The following ADCY2 variants were observed in gnomAD, a reference collection of about 807,000 sequenced individuals.
The protein encoded by ADCY2 is adenylate cyclase type 2.
ADCY2 carries 31 observed loss-of-function variants against 125.2 expected under a neutral mutation model. That is an observed-to-expected ratio of 0.25 (90% confidence interval 0.19 to 0.33). ADCY2 has a LOEUF of 0.33. Ranked by LOEUF, ADCY2 falls within the 10% of genes least tolerant of loss-of-function variation. The pLI, the probability that ADCY2 is intolerant of heterozygous loss-of-function variation, is 1.00. For missense variants in ADCY2, 904 were observed against 1,418.2 expected (o/e 0.64, Z 5.82); for synonymous variants, 512 against 548.4 (o/e 0.93, Z 0.93).
chr5:7,795,904 C>T (rs1187886848), intron 20 of ADCY2: 2 of 152,070 alleles, frequency 1.3e-5, no homozygotes, highest in East Asian at 3.9e-4. Context: ...TACTGTATTG[C>T]AAAAAATGCT....
intron 2 of ADCY2, among the ~76,000 whole-genome samples, chr5:7,473,605 T>C (rs189807915): frequency 1.3e-5 from 2 of 152,288 alleles, no homozygotes; most frequent in Admixed American, 1.3e-4. Flanking sequence ...TACCTTTACC[T>C]TTCTCCCAGG....
chr5:7,723,058 A>C (rs113058517), intron 12 of ADCY2, among the ~76,000 whole-genome samples: 87 of 151,980 alleles, frequency 5.7e-4, no homozygotes, highest in African/African-American at 2.1e-3. Context: ...TAGAAAACCA[A>C]GTACCACATA....
chr5:7,533,286 ATCTCT>A (rs1027289624), intron 3 of ADCY2, among the ~76,000 whole-genome samples: 4 of 151,720 alleles, frequency 2.6e-5, no homozygotes, highest in Non-Finnish European at 5.9e-5. Context: ...AAGTTGAGTA[ATCTCT>A]TCTCAATGTT....
At chr5:7,512,231 A>AG (rs2126520866) in intron 2 of ADCY2, among the ~76,000 whole-genome samples, 1 of 148,222 alleles carries the variant, frequency 6.7e-6, no homozygotes, top group African/African-American at 2.5e-5. Flanking sequence ...AAAAAAAAAA[A>AG]AAAAAAAAAG....
At chr5:7,761,676 A>G (rs967299269) in intron 16 of ADCY2, among the ~76,000 whole-genome samples, 3 of 152,240 alleles carry the variant, frequency 2.0e-5, no homozygotes, top group African/African-American at 7.2e-5. Flanking sequence ...GTTTGACCTT[A>G]TAAAACCAGG....
chr5:7,636,241 C>T (rs1257371809), intron 4 of ADCY2, among the ~76,000 whole-genome samples: 2 of 152,228 alleles, frequency 1.3e-5, no homozygotes, highest in African/African-American at 4.8e-5. Flanking sequence ...CAGCAAAAAG[C>T]AGGGAGCCAT....
At chr5:7,768,103 G>A (rs2126475815) in intron 17 of ADCY2, among the ~76,000 whole-genome samples, 1 of 152,282 alleles carries the variant, frequency 6.6e-6, no homozygotes, top group East Asian at 1.9e-4. Context: ...CTAGGTCATG[G>A]GCAAAATGAC....
chr5:7,600,309 G>T (rs574296094), intron 3 of ADCY2, among the ~76,000 whole-genome samples: 2 of 152,326 alleles, frequency 1.3e-5, no homozygotes, highest in African/African-American at 4.8e-5. Flanking sequence ...TCTGGGAAGG[G>T]TGTTGGGTCA....
chr5:7,575,720 G>T (rs1021850664), intron 3 of ADCY2, among the ~76,000 whole-genome samples: 2 of 152,056 alleles, frequency 1.3e-5, no homozygotes, highest in African/African-American at 4.8e-5. Flanking sequence ...TTATGGATCA[G>T]TTTTTTAAAG....
Position 7,802,575 on chromosome 5 carries a change from C to A in ADCY2, c.2775+211C>A, listed in dbSNP as rs1245292641. Among the ~76,000 whole-genome samples the A allele has an allele frequency of 6.6e-6, 1 of 152,210 alleles. No homozygotes were observed. Among genetic ancestry groups the A allele is most frequent in the Non-Finnish European group, 1.5e-5 (1 of 68,038 alleles). On this transcript the variant is annotated intron_variant, in intron 21 of 24. Transcript: ENST00000338316. The surrounding 1 kb of genome is among the most constrained non-coding windows in gnomAD (Gnocchi z 4.6). ...TGTATTTTTGAAGCTGGTATGACTG[C>A]TAGGAACAGCTACCAAAATCTGTTA...
chr5:7,694,454 C>T (rs1369303833), intron 5 of ADCY2, among the ~76,000 whole-genome samples: 1 of 152,174 alleles, frequency 6.6e-6, no homozygotes, highest in Non-Finnish European at 1.5e-5. Context: ...CCCCCTCCCC[C>T]AAGTCCCAGG....
intron 19 of ADCY2, among the ~76,000 whole-genome samples, chr5:7,788,599 G>A (rs1336713636): frequency 6.6e-6 from 1 of 152,148 alleles, no homozygotes; most frequent in African/African-American, 2.4e-5. Flanking sequence ...CAGATAATTT[G>A]AATCAAACAT....
intron 1 of ADCY2, among the ~76,000 whole-genome samples, chr5:7,404,548 C>G (rs1263968840): frequency 6.6e-6 from 1 of 152,206 alleles, no homozygotes; most frequent in Admixed American, 6.5e-5. Context: ...CACTTCTTTC[C>G]TAATTGTTGC....
intron 22 of ADCY2, among the ~76,000 whole-genome samples, chr5:7,811,019 G>A (rs183585635): frequency 1.3e-5 from 2 of 152,312 alleles, no homozygotes. Flanking sequence ...TTTGATTGTA[G>A]TATTGCTGTA....
At chr5:7,732,435 A>G (rs986443368) in intron 14 of ADCY2, among the ~76,000 whole-genome samples, 2 of 152,172 alleles carry the variant, frequency 1.3e-5, no homozygotes, top group African/African-American at 4.8e-5. Context: ...GTAGACATCA[A>G]TCCTACACCA....
At chr5:7,418,649 T>G (rs986511491) in intron 2 of ADCY2, among the ~76,000 whole-genome samples, 2 of 105,486 alleles carry the variant, frequency 1.9e-5, no homozygotes, top group East Asian at 2.3e-4. Flanking sequence ...TACCTTCTGT[T>G]TTTTTTTTTT....
intron 1 of ADCY2, among the ~76,000 whole-genome samples, chr5:7,400,394 G>A (rs1487777464): frequency 6.6e-6 from 1 of 152,170 alleles, no homozygotes; most frequent in South Asian, 2.1e-4. Context: ...TTTTTATGAT[G>A]AATCAATGTT....
rs1214449390 is a variant in ADCY2 at position 7,413,483 on chromosome 5, A to C, written c.211-1090A>C. ...TAATTTTTTTTTTTGTATTTTTAGTAGAGACTGGGTTTCACCGTGTTAGCC... is the reference window on the plus strand; with the variant it reads ...TAATTTTTTTTTTTGTATTTTTAGTCGAGACTGGGTTTCACCGTGTTAGCC... On this transcript the variant is annotated intron_variant, in intron 1 of 24. Coordinates refer to ENST00000338316, the MANE Select transcript of ADCY2 (RefSeq NM_020546.3). 2.0e-5 allele frequency among the ~76,000 whole-genome samples: 3 copies of C among 151,506 alleles called. 1 individual carries two copies. The South Asian group carries it at 6.3e-4, about 32-fold the overall frequency.
At chr5:7,527,965 T>C (rs1490015727) in intron 3 of ADCY2, among the ~76,000 whole-genome samples, 1 of 152,216 alleles carries the variant, frequency 6.6e-6, no homozygotes, top group East Asian at 1.9e-4. Flanking sequence ...ACTGTTTGTC[T>C]TCAGGGAACA....
Sources: gnomAD v4.1 joint callset for allele counts (sites outside exome capture counted in the v4.1 genomes callset) on GRCh38, gnomAD v4.1.1 for gene constraint, Gnocchi (gnomAD v3.1) non-coding constraint, MANE v1.5 for transcripts, NCBI Gene and HGNC (gene_info 2026-07-23, HGNC 2026-07-21) for gene names.